RBFOX1: variants seen among roughly 807,000 people sequenced by gnomAD.
RBFOX1 encodes RNA binding protein fox-1 homolog 1.
RBFOX1 carries 8 observed loss-of-function variants against 57.7 expected under a neutral mutation model. That is an observed-to-expected ratio of 0.14 (90% CI 0.08 to 0.25). The LOEUF is 0.25. Ranked by LOEUF, RBFOX1 falls within the 10% of genes least tolerant of loss-of-function variation. The pLI is 1.00. For synonymous variants in RBFOX1, 326 were observed against 222.4 expected (o/e 1.47, Z -4.15); for missense variants, 611 against 548.5 (o/e 1.11, Z -1.14).
chr16:5,878,741 G>T (rs1239971580), intron 4 of RBFOX1, among the ~76,000 whole-genome samples: 1 of 152,132 alleles, frequency 6.6e-6, no homozygotes, highest in East Asian at 1.9e-4. Flanking sequence ...GTTGAGCTAT[G>T]AATAAATGAT....
intron 10 of RBFOX1, among the ~76,000 whole-genome samples, chr16:7,626,919 T>C (rs2142361374): frequency 6.6e-6 from 1 of 152,350 alleles, no homozygotes; most frequent in East Asian, 1.9e-4. Flanking sequence ...GATTTGGCTC[T>C]ACCGCAGGTG....
At chr16:5,753,835 T>G (rs975047092) in intron 3 of RBFOX1, among the ~76,000 whole-genome samples, 2 of 151,946 alleles carry the variant, frequency 1.3e-5, no homozygotes, top group Non-Finnish European at 2.9e-5. Flanking sequence ...GAGAGCTGTG[T>G]TGAGGATATA....
intron 2 of RBFOX1, among the ~76,000 whole-genome samples, chr16:5,522,038 G>A (rs1025624915): frequency 3.3e-5 from 5 of 152,172 alleles, no homozygotes; most frequent in African/African-American, 1.2e-4. Context: ...CCCGGGATTC[G>A]ACTGGGGTTC....
At chr16:7,408,455 C>T (rs1454276651) in intron 4 of RBFOX1, among the ~76,000 whole-genome samples, 1 of 152,168 alleles carries the variant, frequency 6.6e-6, no homozygotes, top group East Asian at 1.9e-4. Context: ...TGAAAATATT[C>T]CGTAAATATC....
chr16:7,380,955 A>G (rs937473178), intron 4 of RBFOX1, among the ~76,000 whole-genome samples: 1 of 152,184 alleles, frequency 6.6e-6, no homozygotes, highest in African/African-American at 2.4e-5. Context: ...AGTATTTTGA[A>G]TCTCCAGAGT....
intron 2 of RBFOX1, among the ~76,000 whole-genome samples, chr16:6,485,228 G>A (rs1022999538): frequency 4.6e-5 from 7 of 152,098 alleles, no homozygotes; most frequent in Admixed American, 1.3e-4. Flanking sequence ...CTGCCCACAC[G>A]CTTCCCACAC....
At chr16:7,078,745 T>A (rs1320626832) in intron 4 of RBFOX1, among the ~76,000 whole-genome samples, 1 of 149,230 alleles carries the variant, frequency 6.7e-6, no homozygotes, top group African/African-American at 2.4e-5. Context: ...TGCAATGGCA[T>A]GATCTAGGCT....
chr16:5,500,386 C>G (rs528755309), intron 2 of RBFOX1, among the ~76,000 whole-genome samples: 47 of 151,962 alleles, frequency 3.1e-4, no homozygotes, highest in Non-Finnish European at 5.9e-4. Flanking sequence ...CCATGCCTGG[C>G]TAATTCTTTA....
intron 3 of RBFOX1, among the ~76,000 whole-genome samples, chr16:5,703,890 G>A (rs2051142718): frequency 6.6e-6 from 1 of 152,146 alleles, no homozygotes; most frequent in Non-Finnish European, 1.5e-5. Flanking sequence ...TTACAAAGGT[G>A]CTTAGCATAT....
chr16:6,983,799 A>T (rs1231519623), intron 3 of RBFOX1: 1 of 152,352 alleles, frequency 6.6e-6, no homozygotes, highest in East Asian at 1.9e-4. Flanking sequence ...ACTTGTGCCT[A>T]GTGATGGTAG....
intron 4 of RBFOX1, among the ~76,000 whole-genome samples, chr16:7,372,315 T>C (rs1429300602): frequency 6.6e-6 from 1 of 152,208 alleles, no homozygotes; most frequent in Non-Finnish European, 1.5e-5. Context: ...TAGCAGGCTC[T>C]AAAGGACACA....
chr16:6,480,351 T>C (rs1215707734), intron 2 of RBFOX1, among the ~76,000 whole-genome samples: 2 of 152,178 alleles, frequency 1.3e-5, no homozygotes, highest in Non-Finnish European at 2.9e-5. Context: ...GGCCACTTGG[T>C]CTCTCACAGA....
chr16:5,774,617 G>T (rs561853839), intron 3 of RBFOX1, among the ~76,000 whole-genome samples: 33 of 152,292 alleles, frequency 2.2e-4, no homozygotes, highest in Admixed American at 1.8e-3. Flanking sequence ...CATTTACATG[G>T]TGTCTACTGT....
intron 3 of RBFOX1, among the ~76,000 whole-genome samples, chr16:6,760,779 G>C (rs1249867817): frequency 6.6e-6 from 1 of 152,194 alleles, no homozygotes; most frequent in Non-Finnish European, 1.5e-5. Flanking sequence ...GAGCAGTCAC[G>C]TATTTCACAC....
rs562817146 is a variant in RBFOX1, at chr16:6,569,965, C to T, written c.-63-84638C>T. Among the ~76,000 whole-genome samples the T allele has an allele frequency of 8.5e-5, 13 of 152,168 alleles. No individual in the cohort carries two copies. The East Asian group carries it at 2.3e-3, about 27-fold the overall frequency. On this transcript the variant is annotated intron_variant, in intron 2 of 15. Transcript: ENST00000550418. The stretch of plus-strand genomic sequence containing the variant: ...TAAAATTCATTTTGGTGCAGCCTGC[C>T]GGTAATTTGTTTGAGAAGAAGTCGT...
At position 6,216,183 on chromosome 16, in the gene RBFOX1, G is replaced by A. The variant is rs529597363; in HGVS notation, c.-126-100812G>A. 2.6e-4 allele frequency among the ~76,000 whole-genome samples: 40 copies of A among 152,164 alleles called. No homozygotes were observed. In the East Asian group the frequency reaches 3.7e-3, roughly 14 times the overall value. On this transcript the variant is annotated intron_variant, in intron 1 of 15. Coordinates refer to ENST00000550418, the MANE Select transcript of RBFOX1 (RefSeq NM_018723.4). ...TCATGAAAAATAACTAATGGGTACT[G>A]GGCTTAATACCTGGGTGCTGAAATA...
chr16:7,392,999 G>T (rs1006233692), intron 4 of RBFOX1, among the ~76,000 whole-genome samples: 7 of 151,938 alleles, frequency 4.6e-5, no homozygotes, highest in African/African-American at 1.2e-4. Flanking sequence ...TCAGCCTCCC[G>T]TATAGCTGGG....
rs114129148 is a variant in RBFOX1, at chr16:7,555,786, C to T, written c.271-23991C>T. On this transcript the variant is annotated intron_variant, in intron 5 of 15. Transcript: ENST00000550418. ...CAAATTGTGATTCAAATGTCACCTTCATAAAAGCCATCCATTGAAAATGTC... is the reference window on the plus strand; with the variant it reads ...CAAATTGTGATTCAAATGTCACCTTTATAAAAGCCATCCATTGAAAATGTC... 4.0e-3 allele frequency among the ~76,000 whole-genome samples: 604 copies of T among 152,292 alleles called. 4 individuals carry two copies. Among genetic ancestry groups the T allele is most frequent in the African/African-American group, 0.013 (536 of 41,556 alleles).
intron 3 of RBFOX1, among the ~76,000 whole-genome samples, chr16:5,720,255 A>G (rs1157858585): frequency 6.6e-6 from 1 of 152,092 alleles, no homozygotes; most frequent in Admixed American, 6.6e-5. Context: ...TTCTTGGTCC[A>G]TTTTTGACTG....
Sources: gnomAD v4.1 joint callset for allele counts (sites outside exome capture counted in the v4.1 genomes callset) on GRCh38, gnomAD v4.1.1 for gene constraint, MANE v1.5 for transcripts, NCBI Gene and HGNC (gene_info 2026-07-23, HGNC 2026-07-21) for gene names.